The following ARHGEF4 variants were observed in gnomAD, a reference collection of about 807,000 sequenced individuals.
ARHGEF4 encodes APC-stimulated guanine nucleotide exchange factor 1.
ARHGEF4 carries 119 observed loss-of-function variants against 162.0 expected under a neutral mutation model. That is an observed-to-expected ratio of 0.73 (90% CI 0.63 to 0.86). ARHGEF4 has a LOEUF of 0.86. Ranked by LOEUF, ARHGEF4 falls within the 40% of genes least tolerant of loss-of-function variation. ARHGEF4 has a pLI of 0.00. For missense variants in ARHGEF4, 2,488 were observed against 2,456.0 expected (o/e 1.01, Z -0.28); for synonymous variants, 1,014 against 979.9 (o/e 1.03, Z -0.65).
chr2:130,887,798 G>T (rs529751284), intron 1 of ARHGEF4, among the ~76,000 whole-genome samples: 1 of 152,268 alleles, frequency 6.6e-6, no homozygotes, highest in South Asian at 2.1e-4. Flanking sequence ...TCACCATGTG[G>T]TCTCCAGGAC....
chr2:130,964,058 A>G (rs1684821921), intron 4 of ARHGEF4: 1 of 594,024 alleles, frequency 1.7e-6, no homozygotes, highest in Non-Finnish European at 2.1e-6. Context: ...CGGGCGCAGC[A>G]ATGCCCCAGC....
At chr2:130,839,762 G>T (rs1680478207) in intron 1 of ARHGEF4, among the ~76,000 whole-genome samples, 1 of 152,100 alleles carries the variant, frequency 6.6e-6, no homozygotes, top group South Asian at 2.1e-4. Flanking sequence ...TGATTTCGAG[G>T]GTGTATTTCA....
chr2:130,838,857 C>G (rs1315062185), intron 1 of ARHGEF4, among the ~76,000 whole-genome samples: 1 of 152,170 alleles, frequency 6.6e-6, no homozygotes, highest in Non-Finnish European at 1.5e-5. Flanking sequence ...TGGAGTGTGG[C>G]TGGAGGAGAG....
intron 1 of ARHGEF4, among the ~76,000 whole-genome samples, chr2:130,881,637 C>T (rs565473144): frequency 1.3e-5 from 2 of 152,092 alleles, no homozygotes; most frequent in African/African-American, 4.8e-5. Context: ...GGCCATCCTC[C>T]GCAGACGTAC....
chr2:130,845,991 C>T (rs986556534), intron 1 of ARHGEF4, among the ~76,000 whole-genome samples: 7 of 152,144 alleles, frequency 4.6e-5, no homozygotes, highest in Non-Finnish European at 8.8e-5. Flanking sequence ...TGACTGTGCA[C>T]CGGTCGAAAC....
chr2:130,931,319 G>A (rs1682619315), intron 3 of ARHGEF4, 62 bp downstream of exon 3: 1 of 1,476,928 alleles, frequency 6.8e-7, no homozygotes, highest in Non-Finnish European at 9.0e-7. Context: ...CTCTGCAGCT[G>A]CCTGTTGCTT....
chr2:130,933,291 T>C (rs1400735061), intron 3 of ARHGEF4, among the ~76,000 whole-genome samples: 1 of 152,214 alleles, frequency 6.6e-6, no homozygotes, highest in Non-Finnish European at 1.5e-5. Context: ...TATTAACTTA[T>C]ATGTCTGTCT....
chr2:130,945,761 A>G (rs183960053), intron 3 of ARHGEF4, among the ~76,000 whole-genome samples: 6 of 152,170 alleles, frequency 3.9e-5, no homozygotes, highest in Non-Finnish European at 8.8e-5. Flanking sequence ...CACTCTCCCC[A>G]AGGTTTTTAG....
chr2:130,871,287 G>A (rs1678462397), intron 1 of ARHGEF4, among the ~76,000 whole-genome samples: 1 of 152,146 alleles, frequency 6.6e-6, no homozygotes, highest in Non-Finnish European at 1.5e-5. Flanking sequence ...TGTAATCCCA[G>A]CACTTTGGGA....
In ARHGEF4 at chr2:130,966,598, G is replaced by A. The variant is rs576755945; in HGVS notation, c.3985+19963G>A. On this transcript the variant is annotated intron_variant, in intron 4 of 13. Coordinates refer to ENST00000409359, the MANE Select transcript of ARHGEF4 (RefSeq NM_001367493.1). ...TGCGTCTGAGCAGAGCTTCAGGCCC[G>A]GCTGGATGTAACGTGATGAGGCTCT... Among the ~76,000 whole-genome samples the A allele has an allele frequency of 3.3e-5, 5 of 152,292 alleles. No homozygotes were observed. The South Asian group carries it at 6.2e-4, about 19-fold the overall frequency.
intron 1 of ARHGEF4, among the ~76,000 whole-genome samples, chr2:130,907,266 G>A (rs1198205509): frequency 1.5e-5 from 2 of 131,422 alleles, no homozygotes; most frequent in African/African-American, 2.8e-5. Context: ...GGAGGCTGGA[G>A]TGCAGTGGCA....
chr2:130,974,808 T>G (rs1002898982), intron 4 of ARHGEF4, among the ~76,000 whole-genome samples: 2 of 152,126 alleles, frequency 1.3e-5, no homozygotes, highest in Middle Eastern at 3.2e-3. Context: ...CTCAAGGGCA[T>G]GACAAACTTA....
At chr2:130,848,720 A>G (rs928762768) in intron 1 of ARHGEF4, among the ~76,000 whole-genome samples, 3 of 152,172 alleles carry the variant, frequency 2.0e-5, no homozygotes, top group Admixed American at 1.3e-4. Context: ...GGTTCCAGTC[A>G]CATGACACTT....
At position 130,924,639 on chromosome 2, in the gene ARHGEF4, C is replaced by T. The variant is rs183960168; in HGVS notation, c.3553-6313C>T. The stretch of plus-strand genomic sequence containing the variant: ...GGATTTCAGGTTTGGGGGCAGAGAG[C>T]CTTTGATTCCAGGGGAAGCAGGCTC... On this transcript the variant is annotated intron_variant, in intron 2 of 13. Transcript: ENST00000409359. Among the ~76,000 whole-genome samples, 381 of 152,248 alleles carry T rather than the reference C, an allele frequency of 2.5e-3. 2 individuals are homozygous for T. Among genetic ancestry groups the T allele is most frequent in the African/African-American group, 8.7e-3 (362 of 41,542 alleles).
At chr2:130,922,967 G>T (rs532463153) in intron 2 of ARHGEF4, among the ~76,000 whole-genome samples, 10 of 150,386 alleles carry the variant, frequency 6.6e-5, no homozygotes, top group Admixed American at 6.6e-4. Context: ...GTCTTGCTCC[G>T]TCACCCAGGC....
chr2:130,848,217 G>A (rs538802288), intron 1 of ARHGEF4, among the ~76,000 whole-genome samples: 63 of 152,298 alleles, frequency 4.1e-4, no homozygotes, highest in African/African-American at 1.4e-3. Flanking sequence ...GGGGAGAGGC[G>A]GTCTGGGCTG....
At chr2:130,897,752 T>C (rs1680245529) in intron 1 of ARHGEF4, among the ~76,000 whole-genome samples, 1 of 152,218 alleles carries the variant, frequency 6.6e-6, no homozygotes, top group Admixed American at 6.5e-5. Flanking sequence ...GTCAGGTCCC[T>C]GACTCACAGA....
intron 4 of ARHGEF4, among the ~76,000 whole-genome samples, chr2:130,971,008 T>C (rs1001866657): frequency 2.0e-5 from 3 of 152,330 alleles, no homozygotes; most frequent in Admixed American, 2.0e-4. Flanking sequence ...ACAGAGAGTT[T>C]CTTTTATGTT....
At chr2:130,872,083 G>A (rs755771631) in intron 1 of ARHGEF4, among the ~76,000 whole-genome samples, 5 of 152,228 alleles carry the variant, frequency 3.3e-5, no homozygotes, top group African/African-American at 4.8e-5. Flanking sequence ...GCAGGCAATC[G>A]GCCCAGCTGG....
Sources: allele counts gnomAD v4.1 joint callset (sites outside exome capture counted in the v4.1 genomes callset), GRCh38; gene constraint gnomAD v4.1.1; transcripts MANE v1.5; gene names NCBI Gene and HGNC (gene_info 2026-07-23, HGNC 2026-07-21).